The following ESYT3 variants were observed in gnomAD, a reference collection of about 807,000 sequenced individuals.
ESYT3 encodes the protein extended synaptotagmin-3.
In ESYT3, 101 loss-of-function variants were observed where a neutral mutation model predicts 111.5. The ratio of observed to expected loss-of-function variants is 0.91; its 90% confidence interval spans 0.77 to 1.07. ESYT3 has a LOEUF of 1.07. ESYT3 is among the 50% of genes least tolerant of loss of function. ESYT3 has a pLI of 0.00. For synonymous variants in ESYT3, 416 were observed against 446.8 expected, an observed-to-expected ratio of 0.93 and a Z score of 0.87; for missense variants, 1,097 against 1,109.4, an observed-to-expected ratio of 0.99 and a Z score of 0.16.
At chr3:138,448,266 T>TAAA (rs71146126) in intron 1 of ESYT3, among the ~76,000 whole-genome samples, 1,072 of 44,588 alleles carry the variant, frequency 0.024, 106 homozygotes, top group African/African-American at 0.089. Context: ...AAACTCGATC[T>TAAA]AAAAAAAAAA....
At chr3:138,473,118 T>TTGAG in intron 18 of ESYT3, 1 of 1,384,964 alleles carries the variant, frequency 7.2e-7, no homozygotes, top group Non-Finnish European at 9.3e-7. Context: ...AGCAGAACCA[T>TTGAG]TGAGTTATAC....
chr3:138,465,787 G>A (rs185724735), intron 10 of ESYT3, among the ~76,000 whole-genome samples: 11 of 152,268 alleles, frequency 7.2e-5, no homozygotes, highest in Non-Finnish European at 1.0e-4. Flanking sequence ...TGCTCTAGGG[G>A]GTAGAACCCA....
intron 8 of ESYT3, among the ~76,000 whole-genome samples, chr3:138,463,375 G>A (rs532848431): frequency 1.0e-3 from 152 of 152,310 alleles, no homozygotes; most frequent in Non-Finnish European, 1.5e-3. Context: ...AATTACAGGC[G>A]TGAGCACTGT....
chr3:138,474,055 CT>C (rs1425310469), intron 19 of ESYT3, among the ~76,000 whole-genome samples, 165 bp from the exon 20 acceptor site: 2 of 152,228 alleles, frequency 1.3e-5, no homozygotes, highest in African/African-American at 4.8e-5. Context: ...ATCAGGACCA[CT>C]GAGCATTTTT....
At chr3:138,447,877 A>AT (rs60644648) in intron 1 of ESYT3, among the ~76,000 whole-genome samples, 10,290 of 149,990 alleles carry the variant, frequency 0.069, 730 homozygotes, top group East Asian at 0.38. Flanking sequence ...TCTCAGGAGG[A>AT]TTTTTTTTTT....
Position 138,479,439 on chromosome 3 carries a change from G to C in ESYT3, c.*2585G>C, listed in dbSNP as rs1010291383. 19 of 152,320 alleles carry C rather than the reference G, an allele frequency of 1.2e-4. No homozygotes were observed. Among genetic ancestry groups the C allele is most frequent in the Middle Eastern group, 3.4e-3 (1 of 294 alleles). The allele number at this position is 152,320 out of a possible 1,614,324, so 9.4% of individuals were successfully genotyped here. ...AGATACTCATCTTAAAAATATAACTGTGTCAGTCACTAATTCATTACCTCT... is the reference window on the plus strand; with the variant it reads ...AGATACTCATCTTAAAAATATAACTCTGTCAGTCACTAATTCATTACCTCT... On this transcript the variant is annotated 3_prime_UTR_variant, in exon 23 of 23. Transcript: ENST00000389567.
At chr3:138,457,273 C>A (rs560167936) in intron 3 of ESYT3, among the ~76,000 whole-genome samples, 1 of 152,158 alleles carries the variant, frequency 6.6e-6, no homozygotes, top group Non-Finnish European at 1.5e-5. Flanking sequence ...AGTTTCCTCA[C>A]GTGTAAAGGG....
intron 1 of ESYT3, 92 bp from the exon 2 acceptor site, chr3:138,451,956 G>A: frequency 7.1e-7 from 1 of 1,412,528 alleles, no homozygotes; most frequent in Non-Finnish European, 1.0e-6. Context: ...TGCAGCGCGT[G>A]GGCGGAATGG....
intron 1 of ESYT3, among the ~76,000 whole-genome samples, chr3:138,444,598 G>A (rs928838444): frequency 2.6e-5 from 4 of 152,214 alleles, no homozygotes; most frequent in Non-Finnish European, 5.9e-5. Context: ...AGGGAGTTAA[G>A]ACCAAAACCC....
At chr3:138,469,039 T>TA (rs2033084515) in intron 14 of ESYT3, among the ~76,000 whole-genome samples, 158 bp downstream of exon 14, 1 of 152,182 alleles carries the variant, frequency 6.6e-6, no homozygotes, top group South Asian at 2.1e-4. Flanking sequence ...TGCCAGGCAC[T>TA]AGGCTTGGCA....
chr3:138,436,396 A>G (rs1371244761), intron 1 of ESYT3, among the ~76,000 whole-genome samples: 1 of 152,192 alleles, frequency 6.6e-6, no homozygotes, highest in Non-Finnish European at 1.5e-5. Flanking sequence ...GCTCACCCTA[A>G]TGAACTCATT....
At chr3:138,465,675 T>C (rs1482775542) in intron 10 of ESYT3, among the ~76,000 whole-genome samples, 1 of 152,170 alleles carries the variant, frequency 6.6e-6, no homozygotes, top group Non-Finnish European at 1.5e-5. Context: ...ATATTACGGC[T>C]TTGCTTTCTG....
chr3:138,464,586 A>C, intron 9 of ESYT3, 71 bp downstream of exon 9: 1 of 1,528,732 alleles, frequency 6.5e-7, no homozygotes, highest in Non-Finnish European at 9.0e-7. Context: ...CAGGGGCAAC[A>C]CTAGGCAGGG....
intron 1 of ESYT3, among the ~76,000 whole-genome samples, chr3:138,450,397 T>A (rs1383990104): frequency 1.3e-5 from 2 of 152,188 alleles, no homozygotes; most frequent in Non-Finnish European, 2.9e-5. Flanking sequence ...CCCACTGAAC[T>A]GAGCTCCTGC....
intron 4 of ESYT3, 97 bp from the exon 5 acceptor site, chr3:138,459,089 TG>T (rs2032466015): frequency 2.1e-6 from 2 of 955,826 alleles, no homozygotes; most frequent in Non-Finnish European, 3.1e-6. Context: ...ACTGGCTGCC[TG>T]GGCTCCGGCT....
intron 6 of ESYT3, 84 bp from the exon 7 acceptor site, chr3:138,460,527 A>G (rs1376700018): frequency 4.2e-6 from 6 of 1,430,632 alleles, no homozygotes; most frequent in East Asian, 4.6e-5. Context: ...CTCCATTCAC[A>G]TGGGTGTGAG....
rs2033570037 is a variant in ESYT3, at chr3:138,478,112, G to A, written c.*1258G>A. The A allele has an allele frequency of 6.6e-6, 1 of 152,160 alleles. No homozygotes were observed. Among genetic ancestry groups the A allele is most frequent in the Non-Finnish European group, 1.5e-5 (1 of 68,030 alleles). 9.4% of individuals were successfully genotyped at this position (152,160 alleles called of 1,614,324 possible). A position where few individuals can be genotyped will look rare whatever the true frequency, so the allele number is the denominator to read the frequency against. ...CTTCCTACCGCCTGTAGCATTTACT[G>A]TTGATACTGAGTATTTTCCATTTTA... On this transcript the variant is annotated 3_prime_UTR_variant, in exon 23 of 23. Coordinates refer to ENST00000389567, the MANE Select transcript of ESYT3 (RefSeq NM_031913.5).
At position 138,474,229 on chromosome 3, in the gene ESYT3, C is replaced by T; in HGVS notation, c.2345C>T (p.Thr782Ile). ...CTTTGACACCAAATCAGAAACCTAACACCATGTACCAGCAGTGGAGCTGAT... is the reference window on the plus strand; with the variant it reads ...CTTTGACACCAAATCAGAAACCTAATACCATGTACCAGCAGTGGAGCTGAT... ...SVLINGCRNL[T>I]PCTSSGADPY... is the part of the protein sequence containing the mutation. Residue 782 changes from threonine to isoleucine, a missense_variant, in exon 20 of 23, where the codon ACA becomes ATA. Physicochemically the swap from Thr to Ile is moderately conservative, Grantham distance 89 (BLOSUM62 -1). Coordinates refer to ENST00000389567, the MANE Select transcript of ESYT3 (RefSeq NM_031913.5). The T allele has an allele frequency of 6.4e-7, 1 of 1,566,508 alleles. No individual in the cohort carries two copies. Among genetic ancestry groups the T allele is most frequent in the Non-Finnish European group, 8.7e-7 (1 of 1,152,992 alleles).
intron 18 of ESYT3, 139 bp from the exon 19 acceptor site, chr3:138,473,397 C>A: frequency 1.3e-6 from 1 of 765,360 alleles, no homozygotes; most frequent in Non-Finnish European, 2.1e-6. Flanking sequence ...TGAATTCCAT[C>A]TGAAAGTAAA....
Sources: allele counts gnomAD v4.1 joint callset (sites outside exome capture counted in the v4.1 genomes callset), GRCh38; gene constraint gnomAD v4.1.1; transcripts MANE v1.5; gene names NCBI Gene and HGNC (gene_info 2026-07-23, HGNC 2026-07-21).